Variants in LCP1 observed in about 807,000 individuals in gnomAD.
LCP1 encodes lymphocyte cytosolic protein 1, also known as plastin-2.
LCP1 carries 23 observed loss-of-function variants against 72.0 expected under a neutral mutation model. The observed-to-expected ratio is 0.32, with a 90% CI of 0.23 to 0.45. The LOEUF (loss-of-function observed/expected upper bound fraction) is 0.45. LCP1 is among the 20% of genes least tolerant of loss of function. The pLI, the probability that LCP1 is intolerant of heterozygous loss-of-function variation, is 1.00. For synonymous variants in LCP1, 245 were observed against 275.4 expected (o/e 0.89, Z 1.09); for missense variants, 571 against 748.3 (o/e 0.76, Z 2.76).
intron 14 of LCP1, among the ~76,000 whole-genome samples, chr13:46,133,331 A>G (rs1245779971): frequency 6.6e-6 from 1 of 152,256 alleles, no homozygotes; most frequent in Non-Finnish European, 1.5e-5. Flanking sequence ...ATGGACATAA[A>G]GATGGGAATA....
intron 2 of LCP1, 147 bp from the exon 3 acceptor site, chr13:46,159,136 C>T (rs2045822186): frequency 1.4e-6 from 1 of 697,366 alleles, no homozygotes; most frequent in Non-Finnish European, 2.4e-6. Context: ...GTCAGAATCT[C>T]ACAAGATGAC....
chr13:46,134,386 A>G lies in LCP1; in HGVS notation c.1503-136T>C. On this transcript the variant is annotated intron_variant, in intron 13 of 15. Coordinates refer to ENST00000323076, the MANE Select transcript of LCP1 (RefSeq NM_002298.5). The stretch of plus-strand genomic sequence containing the variant: ...TGGACACCATTACATTTGAGAGAAA[A>G]AAAGAACATATTACAACATTAGTTC... 4 of 694,166 alleles carry G rather than the reference A, an allele frequency of 5.8e-6. No homozygotes were observed. In the South Asian group the frequency reaches 6.2e-5, roughly 11 times the overall value. The allele number at this position is 694,166 out of a possible 1,614,324, so 43.0% of individuals were successfully genotyped here.
At position 46,168,713 on chromosome 13, in the gene LCP1, A is replaced by G. The variant is rs77877011; in HGVS notation, c.-24-9027T>C. On this transcript the variant is annotated intron_variant, in intron 1 of 15. Coordinates refer to ENST00000323076, the MANE Select transcript of LCP1 (RefSeq NM_002298.5). ...AAGAGAGTCATCTACTATTTTGTTAAAAATATCCAAATAAGGAAATCCTAC... is the reference window on the plus strand; with the variant it reads ...AAGAGAGTCATCTACTATTTTGTTAGAAATATCCAAATAAGGAAATCCTAC... Among the ~76,000 whole-genome samples, 80 of 152,338 alleles carry G rather than the reference A, an allele frequency of 5.3e-4. 1 individual carries two copies. In the East Asian group the frequency reaches 0.011, roughly 21 times the overall value.
chr13:46,161,057 A>G (rs1010326782), intron 1 of LCP1, among the ~76,000 whole-genome samples: 6 of 152,188 alleles, frequency 3.9e-5, no homozygotes. Flanking sequence ...GCAAATCCAT[A>G]TCCATTATCC....
intron 8 of LCP1, among the ~76,000 whole-genome samples, chr13:46,149,309 A>G (rs2045749131): frequency 6.6e-6 from 1 of 152,226 alleles, no homozygotes; most frequent in Non-Finnish European, 1.5e-5. Context: ...GAGGAGAACC[A>G]GAGAGTGTGA....
chr13:46,148,548 G>A, intron 8 of LCP1, 101 bp from the exon 9 acceptor site: 2 of 749,054 alleles, frequency 2.7e-6, no homozygotes, highest in South Asian at 1.6e-5. Flanking sequence ...TTCATATTCA[G>A]CTATCATTCC....
At chr13:46,156,416 C>A in intron 5 of LCP1, 22 bp downstream of exon 5, 2 of 1,606,820 alleles carry the variant, frequency 1.2e-6, no homozygotes, top group Non-Finnish European at 1.7e-6. Context: ...TCTTTGGAAA[C>A]CAAGAAAGAA....
chr13:46,159,596 C>T lies in LCP1; in HGVS notation c.64+3G>A. 1.2e-6 allele frequency: 2 copies of T among 1,613,674 alleles called. No individual in the cohort carries two copies. The highest frequency in any genetic ancestry group is 1.7e-6 in the Non-Finnish European group (2 of 1,179,538). On this transcript the variant is annotated splice_donor_region_variant and intron_variant, in intron 2 of 15. Coordinates refer to ENST00000323076, the MANE Select transcript of LCP1 (RefSeq NM_002298.5). ...TGCAATTTGGGGTACCAGGTCTACT[C>T]ACCAACTTTGGCAAAAGCTTCTCTG...
At chr13:46,156,725 T>A (rs1281300817) in intron 4 of LCP1, among the ~76,000 whole-genome samples, 155 bp from the exon 5 acceptor site, 1 of 152,196 alleles carries the variant, frequency 6.6e-6, no homozygotes, top group Non-Finnish European at 1.5e-5. Context: ...GATTTAAAAA[T>A]CTCAGATCAC....
intron 10 of LCP1, among the ~76,000 whole-genome samples, chr13:46,144,903 A>AT (rs1210006591): frequency 8.5e-5 from 13 of 152,212 alleles, no homozygotes; most frequent in African/African-American, 3.1e-4. Context: ...AAAGAACAGT[A>AT]TGGACTGAAC....
chr13:46,144,707 G>A (rs975458052), intron 10 of LCP1, among the ~76,000 whole-genome samples, 187 bp from the exon 11 acceptor site: 8 of 152,160 alleles, frequency 5.3e-5, no homozygotes, highest in Admixed American at 1.3e-4. Context: ...TTTCAATTCC[G>A]CATGTATTTC....
rs181250662 is a variant in LCP1 at position 46,179,866 on chromosome 13, A to G, written c.-25+2245T>C. On this transcript the variant is annotated intron_variant, in intron 1 of 15. Transcript: ENST00000323076. ...ACACAATTCTTTAGTAAAATTATGC[A>G]TTAATTTAAAAATAGTTCTTCAGCC... is the stretch of plus-strand genomic sequence containing the variant. Among the ~76,000 whole-genome samples the G allele has an allele frequency of 1.2e-3, 180 of 152,308 alleles. No homozygotes were observed. In the Middle Eastern group the frequency reaches 0.024, roughly 20 times the overall value.
At chr13:46,165,655 C>A (rs1297701612) in intron 1 of LCP1, among the ~76,000 whole-genome samples, 3 of 152,304 alleles carry the variant, frequency 2.0e-5, no homozygotes, top group East Asian at 3.9e-4. Context: ...ACTGCTCCTG[C>A]ATTGAGTGTG....
intron 10 of LCP1, among the ~76,000 whole-genome samples, chr13:46,145,485 G>C (rs2045724026): frequency 6.6e-6 from 1 of 152,054 alleles, no homozygotes. Flanking sequence ...TGTTCCAAAG[G>C]AAGAATTATT....
At chr13:46,175,926 A>G (rs2045927173) in intron 1 of LCP1, among the ~76,000 whole-genome samples, 1 of 152,184 alleles carries the variant, frequency 6.6e-6, no homozygotes, top group Non-Finnish European at 1.5e-5. Context: ...TTCTCTATAA[A>G]GAATTTATAT....
intron 7 of LCP1, among the ~76,000 whole-genome samples, chr13:46,152,504 G>GA (rs1156730088): frequency 6.6e-6 from 1 of 152,124 alleles, no homozygotes; most frequent in Non-Finnish European, 1.5e-5. Flanking sequence ...AGTGAGCTCT[G>GA]AAAAAACCTC....
rs1188302867 is a variant in LCP1 at position 46,144,440 on chromosome 13, A to G, written c.1253+2T>C. On this transcript the variant is annotated splice_donor_variant, in intron 11 of 15. Coordinates refer to ENST00000323076, the MANE Select transcript of LCP1 (RefSeq NM_002298.5). LOFTEE classifies it high-confidence loss of function. The stretch of plus-strand genomic sequence containing the variant: ...TTAGAATGAGTTCCCAAATATTCCT[A>G]CCTGTACAAATGATTGACTCGAGGG... 1 of 1,609,240 alleles carries G rather than the reference A, an allele frequency of 6.2e-7. No individual in the cohort carries two copies. The highest frequency in any genetic ancestry group is 8.5e-7 in the Non-Finnish European group (1 of 1,175,640).
At chr13:46,137,542 A>G (rs573116508) in intron 13 of LCP1, among the ~76,000 whole-genome samples, 7 of 152,190 alleles carry the variant, frequency 4.6e-5, no homozygotes, top group East Asian at 1.9e-4. Flanking sequence ...CTCTGTCTCA[A>G]AAAAAAATTA....
intron 15 of LCP1, among the ~76,000 whole-genome samples, chr13:46,130,193 A>G (rs2045625329): frequency 6.6e-6 from 1 of 152,258 alleles, no homozygotes; most frequent in African/African-American, 2.4e-5. Context: ...GCAGATGTTC[A>G]TTAACTTTTT....
Sources: allele counts gnomAD v4.1 joint callset (sites outside exome capture counted in the v4.1 genomes callset), GRCh38; gene constraint gnomAD v4.1.1; transcripts MANE v1.5; gene names NCBI Gene and HGNC (gene_info 2026-07-23, HGNC 2026-07-21).